Variants in JAZF1 observed in about 807,000 individuals in gnomAD.
JAZF1 encodes juxtaposed with another zinc finger protein 1.
A neutral mutation model predicts 26.4 loss-of-function variants in JAZF1; 8 were observed. That is an observed-to-expected ratio of 0.30 (90% CI 0.18 to 0.55). JAZF1 has a LOEUF of 0.55. Ranked by LOEUF, JAZF1 falls within the 20% of genes least tolerant of loss-of-function variation. The pLI is 0.94. For missense variants in JAZF1, 199 were observed against 322.0 expected (o/e 0.62, Z 2.92); for synonymous variants, 126 against 122.3 (o/e 1.03, Z -0.20).
intron 2 of JAZF1, among the ~76,000 whole-genome samples, chr7:27,954,567 G>A (rs1230770030): frequency 1.3e-5 from 2 of 152,066 alleles, no homozygotes; most frequent in Non-Finnish European, 2.9e-5. Context: ...ATATATAAAG[G>A]TCAAATTCAG....
At chr7:28,093,608 A>T (rs918101270) in intron 1 of JAZF1, among the ~76,000 whole-genome samples, 15 of 152,184 alleles carry the variant, frequency 9.9e-5, no homozygotes, top group African/African-American at 3.6e-4. Flanking sequence ...CAATTTACTA[A>T]AAATTTCTCC....
chr7:27,837,064 A>G (rs55901354), intron 4 of JAZF1, among the ~76,000 whole-genome samples: 3,875 of 152,176 alleles, frequency 0.025, 82 homozygotes, highest in East Asian at 0.084. Flanking sequence ...CTGTATCTGG[A>G]TCTGTCTCTG....
At chr7:28,121,592 T>C (rs1782606510) in intron 1 of JAZF1, among the ~76,000 whole-genome samples, 1 of 152,210 alleles carries the variant, frequency 6.6e-6, no homozygotes, top group African/African-American at 2.4e-5. Context: ...CTCACTGAAA[T>C]GACAACTGGT....
chr7:28,020,844 A>G (rs1782995112), intron 1 of JAZF1: 1 of 375,680 alleles, frequency 2.7e-6, no homozygotes, highest in African/African-American at 2.1e-5. Flanking sequence ...AGTGAAATGA[A>G]AACTGCAGCT....
intron 3 of JAZF1, among the ~76,000 whole-genome samples, chr7:27,866,341 A>T (rs1292781233): frequency 2.0e-5 from 3 of 152,076 alleles, no homozygotes; most frequent in Non-Finnish European, 4.4e-5. Context: ...AAAGACACAA[A>T]CTCAACCCAA....
At chr7:27,921,106 G>A (rs944081731) in intron 2 of JAZF1, among the ~76,000 whole-genome samples, 3 of 152,228 alleles carry the variant, frequency 2.0e-5, no homozygotes, top group African/African-American at 7.2e-5. Context: ...ACCAGTTTTA[G>A]TTTCAATAAT....
intron 2 of JAZF1, among the ~76,000 whole-genome samples, chr7:27,987,173 C>T (rs1447887588): frequency 1.3e-5 from 2 of 149,902 alleles, no homozygotes; most frequent in Non-Finnish European, 3.0e-5. Flanking sequence ...AAGTGAGGAG[C>T]GCCTCTTCCC....
chr7:28,006,295 G>A (rs1276244837), intron 1 of JAZF1, among the ~76,000 whole-genome samples: 1 of 152,034 alleles, frequency 6.6e-6, no homozygotes, highest in Non-Finnish European at 1.5e-5. Context: ...CTTAAACCTG[G>A]GAAGCGGAGG....
intron 1 of JAZF1, among the ~76,000 whole-genome samples, chr7:27,994,712 A>G (rs976890116): frequency 2.0e-5 from 3 of 152,226 alleles, no homozygotes; most frequent in South Asian, 4.1e-4. Flanking sequence ...CACCAGTGCT[A>G]CCGGAGGAGT....
chr7:28,056,627 A>G (rs1292116310), intron 1 of JAZF1, among the ~76,000 whole-genome samples: 4 of 152,116 alleles, frequency 2.6e-5, no homozygotes. Context: ...CTAAAAGCAA[A>G]CACAGCTCAT....
chr7:27,864,339 A>T (rs1310872330), intron 3 of JAZF1, among the ~76,000 whole-genome samples: 1 of 152,264 alleles, frequency 6.6e-6, no homozygotes, highest in South Asian at 2.1e-4. Flanking sequence ...AAATAAGCAC[A>T]TTCTCAGAAA....
chr7:28,057,481 C>T (rs987275250), intron 1 of JAZF1, among the ~76,000 whole-genome samples: 3 of 152,282 alleles, frequency 2.0e-5, no homozygotes, highest in Admixed American at 2.0e-4. Flanking sequence ...CCTCAATCAT[C>T]TTATGTGATA....
At position 27,864,782 on chromosome 7, in the gene JAZF1, C is replaced by A. The variant is rs574289124; in HGVS notation, c.386-23915G>T. ...GGACAGCAGGGAGCTCAGAGAGACACCTTTCCCCATCCGTTAACCAAGTCA... is the reference window on the plus strand; with the variant it reads ...GGACAGCAGGGAGCTCAGAGAGACAACTTTCCCCATCCGTTAACCAAGTCA... On this transcript the variant is annotated intron_variant, in intron 3 of 4. Coordinates refer to ENST00000283928, the MANE Select transcript of JAZF1 (RefSeq NM_175061.4). Among the ~76,000 whole-genome samples, 196 of 152,298 alleles carry A rather than the reference C, an allele frequency of 1.3e-3. 1 individual carries two copies. Among genetic ancestry groups the A allele is most frequent in the Admixed American group, 1.4e-3 (21 of 15,308 alleles).
At chr7:28,002,347 A>G (rs544819204) in intron 1 of JAZF1, among the ~76,000 whole-genome samples, 1 of 152,204 alleles carries the variant, frequency 6.6e-6, no homozygotes, top group Non-Finnish European at 1.5e-5. Context: ...AGAATAGAAT[A>G]AAAATTGGCC....
intron 1 of JAZF1, among the ~76,000 whole-genome samples, chr7:28,116,253 C>T (rs1784740229): frequency 6.6e-6 from 1 of 152,146 alleles, no homozygotes; most frequent in Non-Finnish European, 1.5e-5. Flanking sequence ...AGGGTTATGC[C>T]ATTCTGTACT....
chr7:28,167,443 A>G (rs1783387246), intron 1 of JAZF1, among the ~76,000 whole-genome samples: 1 of 152,234 alleles, frequency 6.6e-6, no homozygotes, highest in Non-Finnish European at 1.5e-5. Flanking sequence ...GAGCAAAGCC[A>G]GGATCACAAG....
chr7:28,017,005 A>G (rs1464095774), intron 1 of JAZF1, among the ~76,000 whole-genome samples: 1 of 152,188 alleles, frequency 6.6e-6, no homozygotes. Flanking sequence ...GAACAGGGGA[A>G]GGGATGAAAG....
chr7:28,140,174 C>G (rs1475342152), intron 1 of JAZF1, among the ~76,000 whole-genome samples: 2 of 151,722 alleles, frequency 1.3e-5, no homozygotes, highest in Non-Finnish European at 2.9e-5. Flanking sequence ...CCTTCAGCTC[C>G]CCGGTTCCAG....
chr7:28,132,423 A>G (rs1307967828), intron 1 of JAZF1, among the ~76,000 whole-genome samples: 1 of 152,222 alleles, frequency 6.6e-6, no homozygotes, highest in Non-Finnish European at 1.5e-5. Context: ...GGATACCCAT[A>G]GCTTAGGGGA....
Sources: allele counts gnomAD v4.1 joint callset (sites outside exome capture counted in the v4.1 genomes callset), GRCh38; gene constraint gnomAD v4.1.1; transcripts MANE v1.5; gene names NCBI Gene and HGNC (gene_info 2026-07-23, HGNC 2026-07-21).